CNTFR: variants seen among roughly 807,000 people sequenced by gnomAD.
CNTFR encodes the protein ciliary neurotrophic factor receptor subunit alpha.
In CNTFR, 12 loss-of-function variants were observed where a neutral mutation model predicts 40.4. The observed-to-expected ratio is 0.30, with a 90% CI of 0.19 to 0.48. The LOEUF is 0.48. CNTFR is among the 20% of genes least tolerant of loss of function. The pLI, the probability that CNTFR is intolerant of heterozygous loss-of-function variation, is 0.99. For synonymous variants in CNTFR, 202 were observed against 209.6 expected, an observed-to-expected ratio of 0.96 and a Z score of 0.31; for missense variants, 414 against 506.8, an observed-to-expected ratio of 0.82 and a Z score of 1.76.
chr9:34,571,919 G>C (rs118142502), intron 2 of CNTFR, among the ~76,000 whole-genome samples: 11 of 152,146 alleles, frequency 7.2e-5, no homozygotes, highest in Non-Finnish European at 1.2e-4. Flanking sequence ...ATAGGAGATG[G>C]GCAGAGACTC....
intron 1 of CNTFR, among the ~76,000 whole-genome samples, chr9:34,584,356 TCA>T (rs1310324155): frequency 6.6e-6 from 1 of 152,238 alleles, no homozygotes; most frequent in Non-Finnish European, 1.5e-5. Flanking sequence ...CTATGCTGCC[TCA>T]GTTTCCCCAT....
intron 2 of CNTFR, among the ~76,000 whole-genome samples, chr9:34,570,378 A>G (rs1462051284): frequency 6.6e-6 from 1 of 152,248 alleles, no homozygotes; most frequent in Non-Finnish European, 1.5e-5. Flanking sequence ...TAAAGGACTC[A>G]GCTAGACCCA....
Position 34,552,460 on chromosome 9 carries a change from T to C in CNTFR, c.950-131A>G. 8.9e-7 allele frequency: 1 copy of C among 1,126,814 alleles called. No homozygotes were observed. The highest frequency in any genetic ancestry group is 1.2e-6 in the Non-Finnish European group (1 of 811,220). 69.8% of individuals were successfully genotyped at this position (1,126,814 alleles called of 1,614,324 possible). On this transcript the variant is annotated intron_variant, in intron 8 of 9. Coordinates refer to ENST00000378980, the MANE Select transcript of CNTFR (RefSeq NM_147164.3). This position sits in a 1 kb window ranked among gnomAD's most constrained non-coding sequence, Gnocchi z 5.1. ...CCTCCCCCATCAGGCAGATCCTGTTTCCCAAGGCTCACAGATAACCCCTCC... is the reference window on the plus strand; with the variant it reads ...CCTCCCCCATCAGGCAGATCCTGTTCCCCAAGGCTCACAGATAACCCCTCC...
chr9:34,574,166 C>T (rs1826836831), intron 2 of CNTFR, among the ~76,000 whole-genome samples: 1 of 152,092 alleles, frequency 6.6e-6, no homozygotes, highest in South Asian at 2.1e-4. Flanking sequence ...AGGAGGGAGG[C>T]CTGGCCCCTG....
intron 2 of CNTFR, among the ~76,000 whole-genome samples, chr9:34,575,098 C>A (rs1190501739): frequency 6.6e-6 from 1 of 152,210 alleles, no homozygotes; most frequent in Non-Finnish European, 1.5e-5. Flanking sequence ...CTGGTCCAGC[C>A]CCCTGCCTCT....
chr9:34,559,119 G>T (rs950598716), intron 4 of CNTFR, among the ~76,000 whole-genome samples: 1 of 152,276 alleles, frequency 6.6e-6, no homozygotes, highest in South Asian at 2.1e-4. Context: ...CTGACAGGTG[G>T]ACAGGAAATG....
intron 7 of CNTFR, among the ~76,000 whole-genome samples, chr9:34,554,305 G>A (rs1468775888): frequency 2.0e-5 from 3 of 152,092 alleles, no homozygotes; most frequent in East Asian, 3.9e-4. Context: ...AGATCTCCAC[G>A]TCAGTCTCTC....
chr9:34,587,922 C>G (rs1827609830), intron 1 of CNTFR, among the ~76,000 whole-genome samples: 1 of 152,152 alleles, frequency 6.6e-6, no homozygotes, highest in South Asian at 2.1e-4. Flanking sequence ...TGTGGAAACT[C>G]CAGGACTGAA....
upstream of CNTFR, among the ~76,000 whole-genome samples, chr9:34,590,464 G>GC (rs1001302598): frequency 6.6e-6 from 1 of 152,094 alleles, no homozygotes; most frequent in African/African-American, 2.4e-5. Flanking sequence ...TATTGCTACT[G>GC]CCCCCCGCAA....
At chr9:34,560,838 C>G (rs1826041630) in intron 4 of CNTFR, among the ~76,000 whole-genome samples, 1 of 152,230 alleles carries the variant, frequency 6.6e-6, no homozygotes, top group Admixed American at 6.5e-5. Context: ...TGTGCCCCCA[C>G]TGGCCCAGGG....
In CNTFR at chr9:34,552,284, G is replaced by A. The variant is rs376023602; in HGVS notation, c.995C>T (p.Thr332Met). 20 of 1,546,086 alleles carry A rather than the reference G, an allele frequency of 1.3e-5. No individual in the cohort carries two copies. Among genetic ancestry groups the A allele is most frequent in the African/African-American group, 1.1e-4 (8 of 73,144 alleles). Residue 332 changes from threonine (T) to methionine (M), a missense_variant, in exon 9 of 10, where the codon ACG (threonine) becomes ATG (methionine). Transcript: ENST00000378980. The surrounding 1 kb of genome is among the most constrained non-coding windows in gnomAD (Gnocchi z 5.1). ...CAGCTCCCCAGGGTCACAGATCTTC[G>A]TGGTAGGTGGGGGTGCCAGGGAGCT... ...TTSSLAPPPT[T>M]KICDPGELGS... is the part of the protein sequence containing the mutation.
At chr9:34,575,404 T>C (rs1225377611) in intron 2 of CNTFR, among the ~76,000 whole-genome samples, 12 of 151,894 alleles carry the variant, frequency 7.9e-5, no homozygotes, top group East Asian at 1.9e-4. Context: ...GGCAGAGCAA[T>C]AGGGTTGACT....
At chr9:34,564,553 C>T (rs531143061) in intron 4 of CNTFR, 46 bp downstream of exon 4, 2 of 1,528,624 alleles carry the variant, frequency 1.3e-6, no homozygotes, top group South Asian at 2.4e-5. Flanking sequence ...GAGTCTGGGT[C>T]TCAAGGAAGG....
chr9:34,575,130 C>T (rs1826889401), intron 2 of CNTFR, among the ~76,000 whole-genome samples: 1 of 152,202 alleles, frequency 6.6e-6, no homozygotes, highest in Non-Finnish European at 1.5e-5. Flanking sequence ...GAGGAAGGGG[C>T]AGATAAGTTC....
chr9:34,575,393 G>A (rs1199762226), intron 2 of CNTFR, among the ~76,000 whole-genome samples: 1 of 152,182 alleles, frequency 6.6e-6, no homozygotes, highest in Non-Finnish European at 1.5e-5. Flanking sequence ...GGCAGGGGAT[G>A]GGCAGAGCAA....
intron 7 of CNTFR, among the ~76,000 whole-genome samples, chr9:34,555,132 G>A (rs1825782566): frequency 6.6e-6 from 1 of 152,252 alleles, no homozygotes; most frequent in Admixed American, 6.5e-5. Flanking sequence ...GCTGCCTGTA[G>A]CTCGTTAGCG....
At chr9:34,582,600 T>C (rs777021160) in intron 1 of CNTFR, 1 of 152,176 alleles carries the variant, frequency 6.6e-6, no homozygotes, top group Non-Finnish European at 1.5e-5. Context: ...AGGGATTCCA[T>C]GTCTTCCAAT....
chr9:34,586,611 G>A (rs1457381379), intron 1 of CNTFR, among the ~76,000 whole-genome samples: 1 of 152,184 alleles, frequency 6.6e-6, no homozygotes, highest in East Asian at 1.9e-4. Flanking sequence ...CAGAAGGGAT[G>A]TCCAAAACTA....
chr9:34,568,967 G>A lies in CNTFR; in HGVS notation c.15C>T (p.Val5=). 1.3e-6 allele frequency: 2 copies of A among 1,596,072 alleles called. No individual in the cohort carries two copies. The highest frequency in any genetic ancestry group is 2.3e-5 in the East Asian group (1 of 43,874). The change falls in exon 3 of 10, where the codon GTC becomes GTT. Residue 5 remains valine, a synonymous_variant. Coordinates refer to ENST00000378980, the MANE Select transcript of CNTFR (RefSeq NM_147164.3). ...CAAGCACAGCACAGCAGGCCCACGG[G>A]ACAGGAGCAGCCATCTGTTGGGAGA... MAAP[V]PWACCAVLAA... is the part of the protein sequence containing the mutation.
Sources: allele counts gnomAD v4.1 joint callset (sites outside exome capture counted in the v4.1 genomes callset), GRCh38; gene constraint gnomAD v4.1.1; non-coding constraint Gnocchi (gnomAD v3.1); transcripts MANE v1.5; gene names NCBI Gene and HGNC (gene_info 2026-07-23, HGNC 2026-07-21).